The following MIR2052HG variants were observed in gnomAD, a reference collection of about 807,000 sequenced individuals.
MIR2052HG encodes the protein MIR2052 host gene.
intron 2 of MIR2052HG, among the ~76,000 whole-genome samples, chr8:74,640,712 A>G (rs1463300097): frequency 2.0e-5 from 3 of 152,164 alleles, no homozygotes; most frequent in African/African-American, 4.8e-5. Flanking sequence ...AAAGAGATCT[A>G]ACAGTATCCC....
At chr8:74,737,358 G>A (rs1809778412) in intron 4 of MIR2052HG, among the ~76,000 whole-genome samples, 1 of 152,120 alleles carries the variant, frequency 6.6e-6, no homozygotes, top group African/African-American at 2.4e-5. Flanking sequence ...TCTGTATCCT[G>A]CCCTTGAGCT....
chr8:74,609,624 G>A (rs991009544), intron 1 of MIR2052HG: 1 of 151,162 alleles, frequency 6.6e-6, no homozygotes, highest in Non-Finnish European at 1.5e-5. Flanking sequence ...TTCCAAGAAT[G>A]CAAAATGAGT....
At chr8:74,716,207 G>A (rs879416771) in intron 4 of MIR2052HG, among the ~76,000 whole-genome samples, 1 of 151,918 alleles carries the variant, frequency 6.6e-6, no homozygotes, top group Non-Finnish European at 1.5e-5. Context: ...CTTATCTCTG[G>A]GCCATGCAGC....
At chr8:74,641,577 A>G (rs1808639353) in intron 2 of MIR2052HG, among the ~76,000 whole-genome samples, 1 of 152,184 alleles carries the variant, frequency 6.6e-6, no homozygotes, top group African/African-American at 2.4e-5. Context: ...GTGACTGATT[A>G]GAGAAAAATA....
intron 2 of MIR2052HG, among the ~76,000 whole-genome samples, chr8:74,699,813 G>T (rs1268187911): frequency 6.6e-6 from 1 of 152,008 alleles, no homozygotes; most frequent in African/African-American, 2.4e-5. Context: ...AAGTGGAAAT[G>T]GTTTCTATAT....
intron 2 of MIR2052HG, among the ~76,000 whole-genome samples, chr8:74,617,181 C>T (rs923863001): frequency 6.6e-6 from 1 of 152,008 alleles, no homozygotes; most frequent in Non-Finnish European, 1.5e-5. Flanking sequence ...TTTTAGTGTA[C>T]CCATCACTCA....
At chr8:74,602,876 T>TCTTTCTTTCTTTCTTTCCTTTCTTTC (rs1554570015) in intron 1 of MIR2052HG, among the ~76,000 whole-genome samples, 2 of 137,064 alleles carry the variant, frequency 1.5e-5, no homozygotes, top group Admixed American at 1.5e-4. Context: ...TTTCTTTCTT[T>TCTTTCTTTCTTTCTTTCCTTTCTTTC]TTTCTATTCA....
At chr8:74,699,150 A>T (rs1809331745) in intron 2 of MIR2052HG, among the ~76,000 whole-genome samples, 1 of 152,132 alleles carries the variant, frequency 6.6e-6, no homozygotes, top group South Asian at 2.1e-4. Context: ...ATACTTTTAC[A>T]CTGTTGGTGG....
At chr8:74,621,500 T>C (rs1399759314) in intron 2 of MIR2052HG, among the ~76,000 whole-genome samples, 2 of 152,166 alleles carry the variant, frequency 1.3e-5, no homozygotes, top group African/African-American at 4.8e-5. Context: ...CTTTCAATAA[T>C]GGCAGAAGGC....
At chr8:74,602,815 G>GCGTTTCTTTCTT (rs1554570004) in intron 1 of MIR2052HG, among the ~76,000 whole-genome samples, 9 of 22,554 alleles carry the variant, frequency 4.0e-4, no homozygotes, top group African/African-American at 1.2e-3. Flanking sequence ...ATGCCCGGCC[G>GCGTTTCTTTCTT]TGTTTCTTTC....
intron 2 of MIR2052HG, among the ~76,000 whole-genome samples, chr8:74,613,832 G>A (rs1808237535): frequency 6.6e-6 from 1 of 152,114 alleles, no homozygotes; most frequent in South Asian, 2.1e-4. Context: ...TGTTGATCTG[G>A]TTTTGAGGTT....
chr8:74,658,366 C>A (rs1003971912), intron 2 of MIR2052HG, among the ~76,000 whole-genome samples: 1 of 151,296 alleles, frequency 6.6e-6, no homozygotes, highest in Admixed American at 6.6e-5. Context: ...GCTTTGCCTG[C>A]TGATGTTTCT....
At chr8:74,714,726 G>GGGGGGGC (rs1809503861) in intron 4 of MIR2052HG, among the ~76,000 whole-genome samples, 1 of 64,080 alleles carries the variant, frequency 1.6e-5, no homozygotes, top group Non-Finnish European at 3.1e-5. Flanking sequence ...TTGTTTTTTT[G>GGGGGGGC]AGACAGAGTC....
At chr8:74,720,648 A>T (rs915122418) in intron 4 of MIR2052HG, among the ~76,000 whole-genome samples, 1 of 152,184 alleles carries the variant, frequency 6.6e-6, no homozygotes, top group Non-Finnish European at 1.5e-5. Context: ...TGTATATGTT[A>T]TGCTAGAGCC....
At chr8:74,747,349 T>C (rs947061217) in intron 4 of MIR2052HG, among the ~76,000 whole-genome samples, 1 of 152,202 alleles carries the variant, frequency 6.6e-6, no homozygotes, top group Non-Finnish European at 1.5e-5. Flanking sequence ...TTACTAAAAT[T>C]ATCCCTAAGC....
At chr8:74,627,108 G>A (rs1276229109) in intron 2 of MIR2052HG, among the ~76,000 whole-genome samples, 1 of 152,134 alleles carries the variant, frequency 6.6e-6, no homozygotes, top group African/African-American at 2.4e-5. Context: ...ACCTTTCAGA[G>A]CTCAGAACAT....
At chr8:74,698,614 A>C (rs140689732) in intron 2 of MIR2052HG, among the ~76,000 whole-genome samples, 2 of 152,352 alleles carry the variant, frequency 1.3e-5, no homozygotes, top group African/African-American at 4.8e-5. Context: ...TGGATCTGAG[A>C]AAGGACTAAT....
At chr8:74,660,869 TA>T (rs11436838) in intron 2 of MIR2052HG, among the ~76,000 whole-genome samples, 1 of 151,660 alleles carries the variant, frequency 6.6e-6, no homozygotes, top group Non-Finnish European at 1.5e-5. Flanking sequence ...GCTTTATGTT[TA>T]AAAAAAATAA....
intron 2 of MIR2052HG, among the ~76,000 whole-genome samples, chr8:74,673,476 G>T (rs1318657151): frequency 1.3e-5 from 2 of 152,020 alleles, no homozygotes; most frequent in Non-Finnish European, 2.9e-5. Context: ...TATCAAAATT[G>T]TCTTACTAGC....
Sources: gnomAD v4.1 joint callset for allele counts (sites outside exome capture counted in the v4.1 genomes callset) on GRCh38, gnomAD v4.1.1 for gene constraint, MANE v1.5 for transcripts, NCBI Gene and HGNC (gene_info 2026-07-23, HGNC 2026-07-21) for gene names.